MOXD1: variants seen among roughly 807,000 people sequenced by gnomAD.
MOXD1 encodes DBH-like monooxygenase protein 1.
MOXD1 carries 62 observed loss-of-function variants against 66.6 expected under a neutral mutation model. That is an observed-to-expected ratio of 0.93 (90% CI 0.76 to 1.15). The LOEUF (loss-of-function observed/expected upper bound fraction) is 1.15. Ranked by LOEUF, MOXD1 falls within the 50% of genes most tolerant of loss-of-function variation. MOXD1 has a pLI of 0.00. For missense variants in MOXD1, 847 were observed against 754.6 expected, an observed-to-expected ratio of 1.12 and a Z score of -1.44; for synonymous variants, 303 against 281.9, an observed-to-expected ratio of 1.07 and a Z score of -0.75.
chr6:132,399,583 G>C (rs1776974549), intron 1 of MOXD1, among the ~76,000 whole-genome samples: 2 of 152,124 alleles, frequency 1.3e-5, no homozygotes, highest in Admixed American at 1.3e-4. Context: ...TCTACTCACG[G>C]CTTTTCATTT....
chr6:132,369,384 A>G (rs1483020786), intron 4 of MOXD1, among the ~76,000 whole-genome samples: 1 of 152,154 alleles, frequency 6.6e-6, no homozygotes, highest in African/African-American at 2.4e-5. Flanking sequence ...GTCTGAAGTG[A>G]GACAGCAAAA....
chr6:132,362,640 A>C (rs1168676374), intron 4 of MOXD1, among the ~76,000 whole-genome samples: 2 of 152,164 alleles, frequency 1.3e-5, no homozygotes, highest in Non-Finnish European at 2.9e-5. Flanking sequence ...CTTTTTACAG[A>C]TCGTTATAGC....
rs56728324 is a variant in MOXD1 at position 132,387,751 on chromosome 6, TAAAAAAAAAAAAA to T, written c.265-12987_265-12975del. Among the ~76,000 whole-genome samples the T allele has an allele frequency of 8.6e-5, 6 of 69,516 alleles. 1 individual carries two copies. Among genetic ancestry groups the T allele is most frequent in the Non-Finnish European group, 1.8e-4 (6 of 33,468 alleles). The allele number at this position is 69,516 out of a possible 152,430, so 45.6% of individuals were successfully genotyped here. A position where few individuals can be genotyped will look rare whatever the true frequency, so the allele number is the denominator to read the frequency against. On this transcript the variant is annotated intron_variant, in intron 1 of 11. Transcript: ENST00000367963. ...TCTGGCAAAAAAGTGAAACTCCATC[TAAAAAAAAAAAAA>T]AAAAAAAAAAAGAGTTTGGGTATAG... is the stretch of plus-strand genomic sequence containing the variant.
At position 132,297,819 on chromosome 6, in the gene MOXD1, T is replaced by C. The variant is rs1262091065; in HGVS notation, c.1645A>G (p.Arg549Gly). 1 of 1,612,544 alleles carries C rather than the reference T, an allele frequency of 6.2e-7. No homozygotes were observed. ...TCAGCATTGTCTGTCTTGGAACATC[T>C]CACATTCACTGGCAGGCTGAGGACC... ...KLVLSLPVNV[R>G]CSKTDNAEWS... Residue 549 changes from arginine to glycine, a missense_variant, in exon 11 of 12, where the codon AGA becomes GGA. Transcript: ENST00000367963.
At chr6:132,372,397 T>C (rs1776280573) in intron 4 of MOXD1, among the ~76,000 whole-genome samples, 1 of 152,208 alleles carries the variant, frequency 6.6e-6, no homozygotes, top group African/African-American at 2.4e-5. Flanking sequence ...CTTTGACATG[T>C]AAAATTAGGA....
chr6:132,385,499 TTA>T (rs879521922), intron 1 of MOXD1, among the ~76,000 whole-genome samples: 6,172 of 133,938 alleles, frequency 0.046, 541 homozygotes, highest in East Asian at 0.38. Context: ...ATTATTATTA[TTA>T]GAGACACAGT....
intron 6 of MOXD1, 81 bp downstream of exon 6, chr6:132,327,932 T>C: frequency 1.9e-6 from 2 of 1,069,242 alleles, no homozygotes; most frequent in Non-Finnish European, 2.8e-6. Context: ...GCTGCTATTT[T>C]GTTTCAACTC....
chr6:132,349,130 AC>A (rs1473427024), intron 4 of MOXD1, among the ~76,000 whole-genome samples: 1 of 132,504 alleles, frequency 7.5e-6, no homozygotes, highest in Admixed American at 7.8e-5. Flanking sequence ...TCCCTTGCCC[AC>A]CCCCACCCTT....
chr6:132,297,646 A>C, intron 11 of MOXD1, 141 bp downstream of exon 11: 3 of 1,020,578 alleles, frequency 2.9e-6, no homozygotes, highest in South Asian at 3.7e-5. Flanking sequence ...CAATCCAAGT[A>C]ATCATTGAAC....
chr6:132,309,575 C>T (rs1007797929), intron 10 of MOXD1, among the ~76,000 whole-genome samples: 5 of 152,042 alleles, frequency 3.3e-5, no homozygotes, highest in African/African-American at 1.2e-4. Flanking sequence ...CAATCCTAAG[C>T]AAAAAGAACA....
At chr6:132,357,485 AG>A (rs1775931061) in intron 4 of MOXD1, among the ~76,000 whole-genome samples, 1 of 152,154 alleles carries the variant, frequency 6.6e-6, no homozygotes, top group Non-Finnish European at 1.5e-5. Flanking sequence ...TTATCTTAAA[AG>A]GAAGTATAGA....
intron 4 of MOXD1, among the ~76,000 whole-genome samples, chr6:132,354,735 G>C (rs1322882755): frequency 6.6e-6 from 1 of 152,190 alleles, no homozygotes; most frequent in Non-Finnish European, 1.5e-5. Flanking sequence ...TATAGCGTTT[G>C]TCTTCAGCTA....
At chr6:132,317,778 G>A (rs541835263) in intron 9 of MOXD1, among the ~76,000 whole-genome samples, 1 of 152,256 alleles carries the variant, frequency 6.6e-6, no homozygotes, top group African/African-American at 2.4e-5. Context: ...ACTACTCCAT[G>A]TGTGTCCAGC....
At chr6:132,376,994 T>A (rs1237355632) in intron 1 of MOXD1, among the ~76,000 whole-genome samples, 1 of 152,226 alleles carries the variant, frequency 6.6e-6, no homozygotes. Context: ...AAAGGCAGGA[T>A]TCAAACCTTG....
chr6:132,378,875 CTTTTTTTTTTTTTTTTT>C (rs3038136), intron 1 of MOXD1, among the ~76,000 whole-genome samples: 333 of 41,878 alleles, frequency 8.0e-3, no homozygotes, highest in Middle Eastern at 0.043. Context: ...AACACTTCCT[CTTTTTTTTTTTTTTTTT>C]TTTTTTTTTT....
chr6:132,297,727 C>A (rs560072181), intron 11 of MOXD1, 60 bp downstream of exon 11: 16 of 1,502,156 alleles, frequency 1.1e-5, no homozygotes, highest in Admixed American at 2.3e-5. Flanking sequence ...CTTAGGTTTT[C>A]CTGTAATAGA....
chr6:132,357,245 G>GA (rs992963628), intron 4 of MOXD1, among the ~76,000 whole-genome samples: 20 of 151,874 alleles, frequency 1.3e-4, no homozygotes, highest in African/African-American at 4.6e-4. Context: ...AATATAGTTT[G>GA]AAAAAAATGT....
intron 1 of MOXD1, among the ~76,000 whole-genome samples, chr6:132,380,794 A>G (rs1776491515): frequency 6.6e-6 from 1 of 152,242 alleles, no homozygotes; most frequent in Non-Finnish European, 1.5e-5. Context: ...ACACATGGTT[A>G]AGACCGGATA....
chr6:132,321,327 G>A (rs1241996282), intron 8 of MOXD1, among the ~76,000 whole-genome samples: 1 of 151,768 alleles, frequency 6.6e-6, no homozygotes, highest in East Asian at 1.9e-4. Context: ...ATAACACATA[G>A]GCATTAGCAA....
Sources: allele counts gnomAD v4.1 joint callset (sites outside exome capture counted in the v4.1 genomes callset), GRCh38; gene constraint gnomAD v4.1.1; transcripts MANE v1.5; gene names NCBI Gene and HGNC (gene_info 2026-07-23, HGNC 2026-07-21).